SIRPG: variants seen among roughly 807,000 people sequenced by gnomAD.
SIRPG encodes the protein signal-regulatory protein gamma.
A neutral mutation model predicts 35.7 loss-of-function variants in SIRPG; 38 were observed. That is an observed-to-expected ratio of 1.06 (90% CI 0.82 to 1.40). The LOEUF (loss-of-function observed/expected upper bound fraction) is 1.40. SIRPG is among the 40% of genes most tolerant of loss of function. The pLI is 0.00. For missense variants in SIRPG, 519 were observed against 483.0 expected (o/e 1.07, Z -0.70); for synonymous variants, 215 against 190.4 (o/e 1.13, Z -1.06).
At chr20:1,685,736 C>T in the SIRPG span, among the ~76,000 whole-genome samples, 3 of 152,140 alleles carry the variant, frequency 2.0e-5, no homozygotes, top group Non-Finnish European at 4.4e-5. Flanking sequence ...GCAGGGGGAA[C>T]AGAGGGCAAA....
the SIRPG span, among the ~76,000 whole-genome samples, chr20:1,684,810 A>T: frequency 6.6e-6 from 1 of 152,216 alleles, no homozygotes; most frequent in Admixed American, 6.5e-5. Context: ...CCTTGTTTTC[A>T]AATAGGAGTT....
Position 1,635,450 on chromosome 20 carries a change from G to A in SIRPG, c.898C>T (p.Leu300Phe), listed in dbSNP as rs148883600. Residue 300 changes from leucine to phenylalanine, a missense_variant, in exon 4 of 6, where the codon CTT (leucine) becomes TTT (phenylalanine). Coordinates refer to ENST00000303415, the MANE Select transcript of SIRPG (RefSeq NM_018556.4). ...NVCQRETAST[L>F]TENKDGTYNW... ...TAGGTACCATCCTTGTTCTCTGTAA[G>A]GGTCGAGGCTGTTTCTCTCTGGCAC... The A allele has an allele frequency of 8.9e-5, 143 of 1,614,028 alleles. No individual in the cohort carries two copies. The highest frequency in any genetic ancestry group is 3.3e-4 in the Middle Eastern group (2 of 6,084).
At chr20:1,643,041 T>C (rs1314501786) in intron 2 of SIRPG, among the ~76,000 whole-genome samples, 3 of 150,674 alleles carry the variant, frequency 2.0e-5, no homozygotes. Flanking sequence ...CTGATTATTA[T>C]GTGTCTTGGG....
chr20:1,682,312 C>T, the SIRPG span, among the ~76,000 whole-genome samples: 12 of 152,212 alleles, frequency 7.9e-5, no homozygotes, highest in South Asian at 2.1e-4. Context: ...GTGTGTGTTT[C>T]GCATAGTCAA....
chr20:1,657,476 A>T (rs2091982135), intron 1 of SIRPG, among the ~76,000 whole-genome samples, 166 bp downstream of exon 1: 1 of 152,234 alleles, frequency 6.6e-6, no homozygotes, highest in Admixed American at 6.5e-5. Context: ...CCAGCTGCAG[A>T]TCCACAGAGA....
At chr20:1,637,811 T>A (rs1336050994) in intron 2 of SIRPG, 4 of 152,066 alleles carry the variant, frequency 2.6e-5, no homozygotes. Context: ...CAGGCAGAAA[T>A]CTATCCTGGG....
the SIRPG span, among the ~76,000 whole-genome samples, chr20:1,680,235 T>G: frequency 6.6e-6 from 1 of 152,180 alleles, no homozygotes; most frequent in Non-Finnish European, 1.5e-5. Flanking sequence ...TCACCACTCA[T>G]GTTGGCCATG....
At chr20:1,656,627 C>A (rs1463025822) in intron 1 of SIRPG, among the ~76,000 whole-genome samples, 2 of 152,154 alleles carry the variant, frequency 1.3e-5, no homozygotes, top group Non-Finnish European at 2.9e-5. Context: ...TGAAGACAGG[C>A]AGCCTGTCTG....
chr20:1,639,722 T>C (rs1223741040), intron 2 of SIRPG, among the ~76,000 whole-genome samples: 2 of 152,250 alleles, frequency 1.3e-5, no homozygotes, highest in Admixed American at 1.3e-4. Flanking sequence ...TGGTATTGCC[T>C]AGGTTTTCTT....
At chr20:1,662,100 A>G (rs755876194), upstream of SIRPG, among the ~76,000 whole-genome samples, 6 of 152,326 alleles carry the variant, frequency 3.9e-5, no homozygotes, top group Non-Finnish European at 8.8e-5. Flanking sequence ...CAAAAGTGAC[A>G]TTTCTTCTTA....
chr20:1,673,982 G>C, the SIRPG span, among the ~76,000 whole-genome samples: 2 of 152,156 alleles, frequency 1.3e-5, no homozygotes, highest in Non-Finnish European at 2.9e-5. Context: ...TGCTCCATGG[G>C]AAGGGTCCTG....
chr20:1,653,778 T>C (rs2091957512), intron 1 of SIRPG, among the ~76,000 whole-genome samples: 1 of 152,182 alleles, frequency 6.6e-6, no homozygotes, highest in African/African-American at 2.4e-5. Context: ...AATGTGCATT[T>C]CATATAGACT....
At chr20:1,645,925 A>T (rs1017542451) in intron 2 of SIRPG, 1 of 152,268 alleles carries the variant, frequency 6.6e-6, no homozygotes, top group Admixed American at 6.5e-5. Context: ...AAGGGAAGGC[A>T]AGACTGGCTT....
the SIRPG span, among the ~76,000 whole-genome samples, chr20:1,663,894 T>C: frequency 6.6e-6 from 1 of 152,228 alleles, no homozygotes; most frequent in Non-Finnish European, 1.5e-5. Context: ...TGTGTTGCTA[T>C]AAAGAAATAC....
intron 4 of SIRPG, among the ~76,000 whole-genome samples, chr20:1,634,240 T>C (rs2091773556): frequency 7.0e-6 from 1 of 142,826 alleles, no homozygotes; most frequent in South Asian, 2.2e-4. Flanking sequence ...AGAGTCTCGC[T>C]CTGTCGCCCA....
intron 1 of SIRPG, among the ~76,000 whole-genome samples, chr20:1,649,882 C>T (rs1052201243): frequency 4.0e-5 from 6 of 150,002 alleles, no homozygotes; most frequent in African/African-American, 7.3e-5. Context: ...CCACTTGCCT[C>T]GGCTTTCCAT....
At chr20:1,663,470 A>T in the SIRPG span, among the ~76,000 whole-genome samples, 1 of 152,244 alleles carries the variant, frequency 6.6e-6, no homozygotes, top group African/African-American at 2.4e-5. Context: ...GGTGTACTGG[A>T]GCAGGCTTGG....
chr20:1,680,395 C>T, the SIRPG span, among the ~76,000 whole-genome samples: 5 of 152,298 alleles, frequency 3.3e-5, no homozygotes, highest in East Asian at 9.6e-4. Context: ...AATCATTAAC[C>T]ATAAATTGTC....
chr20:1,637,454 A>C (rs1334905279), intron 2 of SIRPG: 1 of 167,036 alleles, frequency 6.0e-6, no homozygotes, highest in Non-Finnish European at 1.4e-5. Context: ...AACTGTTTTC[A>C]AAAACAACAT....
Sources: allele counts gnomAD v4.1 joint callset (sites outside exome capture counted in the v4.1 genomes callset), GRCh38; gene constraint gnomAD v4.1.1; transcripts MANE v1.5; gene names NCBI Gene and HGNC (gene_info 2026-07-23, HGNC 2026-07-21).